STK4: variants seen among roughly 807,000 people sequenced by gnomAD.
STK4 encodes the protein serine/threonine-protein kinase 4.
In STK4, 30 loss-of-function variants were observed where a neutral mutation model predicts 64.9. The observed-to-expected ratio is 0.46, with a 90% CI of 0.35 to 0.63. STK4 has a LOEUF of 0.63. Among genes scored for constraint, STK4 ranks in the 20% least tolerant of loss-of-function variants. The probability of loss-of-function intolerance (pLI) is 0.01; values close to 1 mark genes in which losing one functional copy is unlikely to be tolerated. For missense variants in STK4, 466 were observed against 598.5 expected, an observed-to-expected ratio of 0.78 and a Z score of 2.31; for synonymous variants, 177 against 199.0, an observed-to-expected ratio of 0.89 and a Z score of 0.93.
At chr20:45,056,375 C>A (rs887532568) in intron 10 of STK4, among the ~76,000 whole-genome samples, 2 of 152,176 alleles carry the variant, frequency 1.3e-5, no homozygotes, top group African/African-American at 4.8e-5. Flanking sequence ...TGGCCTCATT[C>A]ACTTAGCATA....
intron 4 of STK4, among the ~76,000 whole-genome samples, chr20:44,983,058 G>A (rs1601197781): frequency 1.3e-5 from 2 of 152,112 alleles, no homozygotes; most frequent in Non-Finnish European, 2.9e-5. Flanking sequence ...ATTGTAGGTG[G>A]GCAGTAACCA....
At chr20:44,981,422 T>G (rs541916113) in intron 3 of STK4, among the ~76,000 whole-genome samples, 43 of 152,280 alleles carry the variant, frequency 2.8e-4, no homozygotes, top group African/African-American at 9.9e-4. Flanking sequence ...CCCAAAGTGT[T>G]GGGATTACAG....
chr20:45,067,041 A>T (rs941914919), intron 10 of STK4, among the ~76,000 whole-genome samples: 1 of 152,186 alleles, frequency 6.6e-6, no homozygotes, highest in Non-Finnish European at 1.5e-5. Context: ...TCCATTCCTA[A>T]ATAGTAACAT....
At chr20:45,044,920 A>G (rs1050438676) in intron 10 of STK4, among the ~76,000 whole-genome samples, 1 of 151,904 alleles carries the variant, frequency 6.6e-6, no homozygotes, top group African/African-American at 2.4e-5. Flanking sequence ...CAAATGAAAT[A>G]TACATTGGGT....
At position 45,024,102 on chromosome 20, in the gene STK4, G is replaced by A. The variant is rs578106530; in HGVS notation, c.1148-871G>A. On this transcript the variant is annotated intron_variant, in intron 9 of 10. Transcript: ENST00000372806. Reference sequence around the variant, plus strand: ...TTTTTAATAGAGATGGGGTTTCATCGTATTAGCCAGGATGGTCTCGATCTC... The same window carrying A: ...TTTTTAATAGAGATGGGGTTTCATCATATTAGCCAGGATGGTCTCGATCTC... Among the ~76,000 whole-genome samples, 10 of 151,592 alleles carry A rather than the reference G, an allele frequency of 6.6e-5. No homozygotes were observed. The South Asian group carries it at 1.7e-3, about 25-fold the overall frequency.
intron 10 of STK4, among the ~76,000 whole-genome samples, chr20:45,033,205 T>C (rs1391568603): frequency 6.6e-6 from 1 of 152,244 alleles, no homozygotes; most frequent in African/African-American, 2.4e-5. Context: ...GCAGAAATTT[T>C]CTCCCATTTT....
At chr20:44,995,775 G>A (rs1335457351) in intron 6 of STK4, among the ~76,000 whole-genome samples, 1 of 152,096 alleles carries the variant, frequency 6.6e-6, no homozygotes, top group African/African-American at 2.4e-5. Flanking sequence ...CATTCCAGAG[G>A]TTGTGTATTG....
chr20:44,996,346 C>G (rs1023174755), intron 6 of STK4, among the ~76,000 whole-genome samples: 1 of 152,136 alleles, frequency 6.6e-6, no homozygotes, highest in African/African-American at 2.4e-5. Context: ...CCCGCCAACC[C>G]TGCCTTCCTC....
intron 3 of STK4, among the ~76,000 whole-genome samples, chr20:44,978,792 T>C (rs1451686641): frequency 1.3e-5 from 2 of 151,372 alleles, no homozygotes; most frequent in Non-Finnish European, 2.9e-5. Context: ...TTTTTTTTTT[T>C]CAATTTTTCT....
chr20:44,969,066 T>A (rs1314889456), intron 1 of STK4, among the ~76,000 whole-genome samples: 26 of 152,074 alleles, frequency 1.7e-4, no homozygotes, highest in Non-Finnish European at 2.9e-5. Context: ...TGTCCTAATC[T>A]CCTCTTATAA....
chr20:45,075,270 G>T lies in STK4; in HGVS notation c.*94G>T. The T allele has an allele frequency of 6.7e-7, 1 of 1,494,094 alleles. No individual in the cohort carries two copies. The highest frequency in any genetic ancestry group is 1.4e-5 in the African/African-American group (1 of 72,436). 92.6% of individuals were successfully genotyped at this position (1,494,094 alleles called of 1,614,324 possible). On this transcript the variant is annotated 3_prime_UTR_variant, in exon 11 of 11. Transcript: ENST00000372806. ...GTTTGTTAGCCAGCACTTCTGCTCT[G>T]TCGTCTCTCCACAGCACCTTTGTGA... is the stretch of plus-strand genomic sequence containing the variant.
At chr20:45,037,422 C>A (rs533130629) in intron 10 of STK4, among the ~76,000 whole-genome samples, 2 of 152,086 alleles carry the variant, frequency 1.3e-5, no homozygotes, top group South Asian at 4.2e-4. Context: ...CTTGGTATAT[C>A]AGAGAAATTA....
rs60140206 is a variant in STK4, at chr20:44,995,605, C to CAAA, written c.693+370_693+372dup. The stretch of plus-strand genomic sequence containing the variant: ...TGGGAGAGAGAGTGAGACTCCATCT[C>CAAA]AAAAAAAAAAAAAAAAAAAAAAAAG... On this transcript the variant is annotated intron_variant, in intron 6 of 10. Transcript: ENST00000372806. Among the ~76,000 whole-genome samples, 370 of 54,352 alleles carry CAAA rather than the reference C, an allele frequency of 6.8e-3. 35 individuals carry two copies. Among genetic ancestry groups the CAAA allele is most frequent in the African/African-American group, 0.022 (323 of 14,746 alleles). 35.7% of individuals were successfully genotyped at this position (54,352 alleles called of 152,430 possible).
At chr20:44,966,699 C>T (rs1352258276) in intron 1 of STK4, 96 bp downstream of exon 1, 2 of 1,231,268 alleles carry the variant, frequency 1.6e-6, no homozygotes, top group East Asian at 6.3e-5. Flanking sequence ...GTCCCCGGAG[C>T]TAAGCGACCC....
At chr20:45,049,300 T>C (rs543368611) in intron 10 of STK4, among the ~76,000 whole-genome samples, 1 of 152,330 alleles carries the variant, frequency 6.6e-6, no homozygotes. Context: ...CATGGATGCA[T>C]CTAGTTTAAT....
chr20:44,984,260 A>C (rs6017454), intron 4 of STK4, among the ~76,000 whole-genome samples: 1 of 139,772 alleles, frequency 7.2e-6, no homozygotes, highest in South Asian at 2.3e-4. Flanking sequence ...AGTGGTGTGA[A>C]CTCGGCTCAG....
At chr20:45,037,891 T>C (rs2068552370) in intron 10 of STK4, among the ~76,000 whole-genome samples, 1 of 152,152 alleles carries the variant, frequency 6.6e-6, no homozygotes, top group South Asian at 2.1e-4. Context: ...TACTACCTTA[T>C]TTATAATTAG....
At chr20:45,012,057 G>C (rs1444908499) in intron 9 of STK4, among the ~76,000 whole-genome samples, 1 of 143,794 alleles carries the variant, frequency 7.0e-6, no homozygotes, top group Non-Finnish European at 1.5e-5. Flanking sequence ...TTTTTTTTGA[G>C]ATGGAGTCTT....
intron 10 of STK4, among the ~76,000 whole-genome samples, chr20:45,059,581 C>G (rs997501613): frequency 3.3e-5 from 5 of 152,082 alleles, no homozygotes; most frequent in South Asian, 4.1e-4. Flanking sequence ...AGCAGGACAG[C>G]GCAGGATTTC....
Sources: gnomAD v4.1 joint callset for allele counts (sites outside exome capture counted in the v4.1 genomes callset) on GRCh38, gnomAD v4.1.1 for gene constraint, MANE v1.5 for transcripts, NCBI Gene and HGNC (gene_info 2026-07-23, HGNC 2026-07-21) for gene names.